Variants in ITIH6 observed in about 807,000 individuals in gnomAD.
The protein encoded by ITIH6 is inter-alpha-trypsin inhibitor heavy chain family member 6, also known as inter-alpha-trypsin inhibitor heavy chain H6.
Under a neutral mutation model 58.2 loss-of-function variants are expected in ITIH6, and 60 were observed. That is an observed-to-expected ratio of 1.03 (90% CI 0.84 to 1.28). ITIH6 has a LOEUF of 1.28. Ranked by LOEUF, ITIH6 falls within the 50% of genes most tolerant of loss-of-function variation. The pLI is 0.00. For missense variants in ITIH6, 1,290 were observed against 1,021.1 expected, an observed-to-expected ratio of 1.26 and a Z score of -3.59; for synonymous variants, 493 against 417.4, an observed-to-expected ratio of 1.18 and a Z score of -2.21.
intron 2 of ITIH6, among the ~76,000 whole-genome samples, chrX:54,793,892 G>C (rs1485142369): frequency 9.0e-6 from 1 of 111,336 alleles, no homozygotes; most frequent in African/African-American, 3.3e-5. Flanking sequence ...TCTTGAAAAG[G>C]GGAAGGATGG....
chrX:54,797,233 C>T (rs1268158175), intron 1 of ITIH6, 137 bp from the exon 2 acceptor site: 1 of 427,592 alleles, frequency 2.3e-6, no homozygotes. Context: ...AGAGGGAAAA[C>T]AACCTCTGTC....
chrX:54,788,310 T>C (rs112782686), intron 5 of ITIH6, among the ~76,000 whole-genome samples, 170 bp downstream of exon 5: 10,919 of 111,222 alleles, frequency 0.098, 1,332 homozygotes, highest in African/African-American at 0.34. Flanking sequence ...TTGGGGGATT[T>C]GATGTGCCTC....
intron 6 of ITIH6, among the ~76,000 whole-genome samples, chrX:54,773,800 G>T (rs1240133700): frequency 1.8e-5 from 2 of 110,848 alleles, no homozygotes; most frequent in Non-Finnish European, 3.8e-5. Context: ...ATCCCAGGGT[G>T]CTCTAGCTTG....
At chrX:54,785,921 C>T (rs1929234338) in intron 5 of ITIH6, among the ~76,000 whole-genome samples, 1 of 111,098 alleles carries the variant, frequency 9.0e-6, no homozygotes, top group Non-Finnish European at 1.9e-5. Context: ...GGTGACCTCC[C>T]TTTGTCACTT....
At chrX:54,780,005 T>A (rs186075257) in intron 5 of ITIH6, among the ~76,000 whole-genome samples, 2 of 111,481 alleles carry the variant, frequency 1.8e-5, no homozygotes, top group South Asian at 3.8e-4. Context: ...TACCCAACAC[T>A]GGAGAACCAA....
At chrX:54,797,730 C>T (rs962104990) in intron 1 of ITIH6, among the ~76,000 whole-genome samples, 2 of 111,073 alleles carry the variant, frequency 1.8e-5, no homozygotes, top group Admixed American at 1.9e-4. Context: ...GGCAATGGTC[C>T]CTCTATCTAC....
intron 5 of ITIH6, among the ~76,000 whole-genome samples, chrX:54,775,136 G>T (rs1247897151): frequency 8.1e-5 from 9 of 111,736 alleles, no homozygotes; most frequent in South Asian, 7.5e-4. Context: ...CTCTGTCTCT[G>T]CTAATCCTGG....
intron 4 of ITIH6, among the ~76,000 whole-genome samples, chrX:54,790,386 A>G (rs1181594301): frequency 1.8e-5 from 2 of 112,102 alleles, no homozygotes; most frequent in African/African-American, 6.5e-5. Flanking sequence ...CTGAGGCAGG[A>G]TGCTTCTCTT....
At chrX:54,753,043 A>G (rs1172317407) in intron 11 of ITIH6, among the ~76,000 whole-genome samples, 2 of 112,843 alleles carry the variant, frequency 1.8e-5, no homozygotes, top group African/African-American at 6.4e-5. Flanking sequence ...GGAAAGCCTC[A>G]CCGGAGAATT....
In ITIH6 at chrX:54,751,391, G is replaced by A. The variant is rs1290044103; in HGVS notation, c.3353-11C>T. 1 of 1,207,209 alleles carries A rather than the reference G, an allele frequency of 8.3e-7. No individual in the cohort carries two copies. Among genetic ancestry groups the A allele is most frequent in the African/African-American group, 1.7e-5 (1 of 57,777 alleles). The stretch of plus-strand genomic sequence containing the variant: ...CACTCACATGCAGCCCTGGAGGGAG[G>A]GGAGTGTGGGCCTGGAGCGGGGGCT... On this transcript the variant is annotated splice_polypyrimidine_tract_variant and intron_variant, in intron 11 of 12. Coordinates refer to ENST00000218436, the MANE Select transcript of ITIH6 (RefSeq NM_198510.3).
intron 6 of ITIH6, among the ~76,000 whole-genome samples, chrX:54,767,120 G>A (rs1928808205): frequency 9.1e-6 from 1 of 110,126 alleles, no homozygotes; most frequent in Admixed American, 9.6e-5. Context: ...AGTCTTGGGA[G>A]AGTGTATGCG....
chrX:54,769,021 A>G (rs1928873819), intron 6 of ITIH6, among the ~76,000 whole-genome samples: 1 of 107,579 alleles, frequency 9.3e-6, no homozygotes, highest in Admixed American at 9.9e-5. Flanking sequence ...TACACCAATC[A>G]GACGTAGATT....
At chrX:54,754,807 T>G (rs1928453820) in intron 9 of ITIH6, among the ~76,000 whole-genome samples, 1 of 112,310 alleles carries the variant, frequency 8.9e-6, no homozygotes, top group African/African-American at 3.2e-5. Flanking sequence ...GAGCAGAGAA[T>G]CTAACTAAGC....
chrX:54,761,367 T>G (rs888811961), intron 6 of ITIH6, among the ~76,000 whole-genome samples: 1 of 111,554 alleles, frequency 9.0e-6, no homozygotes, highest in African/African-American at 3.3e-5. Context: ...ATTGCAAAAA[T>G]TTTCTCCCAT....
Position 54,788,791 on chromosome X carries a change from A to G in ITIH6, c.617-142T>C. ...CCCAAACCTCTGGTGCCTCCTGCCT[A>G]CATCTTTCCACCTGCCCCATGCTCC... On this transcript the variant is annotated intron_variant, in intron 4 of 12. Transcript: ENST00000218436. The G allele has an allele frequency of 6.3e-6, 3 of 473,639 alleles. No individual in the cohort carries two copies. In the South Asian group the frequency reaches 9.7e-5, roughly 15 times the overall value. 39.0% of individuals were successfully genotyped at this position (473,639 alleles called of 1,213,427 possible).
At position 54,758,545 on chromosome X, in the gene ITIH6, T is replaced by A. The variant is rs760301255; in HGVS notation, c.1529A>T (p.Gln510Leu). Residue 510 changes from glutamine to leucine, a missense_variant, in exon 8 of 13, where the codon CAG becomes CTG. Coordinates refer to ENST00000218436, the MANE Select transcript of ITIH6 (RefSeq NM_198510.3). ...GATGCCCAGTTCCTGTTTGCCTGGC[T>A]GCACCTGTCCTGCCACCACCAGCTC... The part of the protein sequence containing the change: ...GSELVVAGQV[Q>L]PGKQELGIHL... 1.7e-6 allele frequency: 2 copies of A among 1,211,294 alleles called. No individual in the cohort carries two copies. The highest frequency in any genetic ancestry group is 3.5e-5 in the South Asian group (2 of 56,906).
intron 2 of ITIH6, among the ~76,000 whole-genome samples, chrX:54,795,071 C>A: frequency 8.9e-6 from 1 of 112,009 alleles, no homozygotes; most frequent in South Asian, 3.8e-4. Flanking sequence ...CCACCTTCAG[C>A]AACTCCTACG....
chrX:54,766,443 G>A (rs1350881442), intron 6 of ITIH6, among the ~76,000 whole-genome samples: 2 of 74,523 alleles, frequency 2.7e-5, no homozygotes, highest in Non-Finnish European at 5.0e-5. Flanking sequence ...GGAGCAGTGA[G>A]AGAGGGCATC....
chrX:54,772,737 T>C (rs1451177580), intron 6 of ITIH6, among the ~76,000 whole-genome samples: 3 of 111,749 alleles, frequency 2.7e-5, no homozygotes, highest in Non-Finnish European at 3.8e-5. Context: ...AGTTAGGTAA[T>C]GTTTCTTGTT....
Sources: allele counts gnomAD v4.1 joint callset (sites outside exome capture counted in the v4.1 genomes callset), GRCh38; gene constraint gnomAD v4.1.1; transcripts MANE v1.5; gene names NCBI Gene and HGNC (gene_info 2026-07-23, HGNC 2026-07-21).